The following OSBP2 variants were observed in gnomAD, a reference collection of about 807,000 sequenced individuals.
OSBP2 encodes oxysterol-binding protein 2.
Under a neutral mutation model 96.0 loss-of-function variants are expected in OSBP2, and 66 were observed. That is an observed-to-expected ratio of 0.69 (90% CI 0.56 to 0.84). OSBP2 has a LOEUF of 0.84. Ranked by LOEUF, OSBP2 falls within the 40% of genes least tolerant of loss-of-function variation. The pLI is 0.00. For missense variants in OSBP2, 1,038 were observed against 1,222.7 expected, an observed-to-expected ratio of 0.85 and a Z score of 2.25; for synonymous variants, 525 against 520.9, an observed-to-expected ratio of 1.01 and a Z score of -0.11.
chr22:30,870,540 TCATCGCCAAGCACGGCGCTGCACTC>T lies in OSBP2; in HGVS notation c.968_992del (p.Ile323SerfsTer4). The T allele has an allele frequency of 6.2e-7, 1 of 1,613,988 alleles. No homozygotes were observed. Among genetic ancestry groups the T allele is most frequent in the Non-Finnish European group, 8.5e-7 (1 of 1,179,984 alleles). On this transcript the variant is annotated frameshift_variant, in exon 3 of 14. Coordinates refer to ENST00000332585, the MANE Select transcript of OSBP2 (RefSeq NM_030758.4). LOFTEE classifies it high-confidence loss of function. The surrounding 1 kb of genome is among the most constrained non-coding windows in gnomAD (Gnocchi z 4.1). The stretch of plus-strand genomic sequence containing the variant: ...GATGACCTCAGCACGTGCAATGACC[TCATCGCCAAGCACGGCGCTGCACTC>T]CAGCGCTCCCTGACAGAGCTGGACG...
At chr22:30,796,531 G>T (rs755896328) in intron 2 of OSBP2, among the ~76,000 whole-genome samples, 1 of 151,604 alleles carries the variant, frequency 6.6e-6, no homozygotes, top group Non-Finnish European at 1.5e-5. Context: ...TTTGAAACAG[G>T]TTCTTACTCT....
At chr22:30,741,905 T>A (rs2089942869) in intron 2 of OSBP2, among the ~76,000 whole-genome samples, 1 of 151,150 alleles carries the variant, frequency 6.6e-6, no homozygotes, top group East Asian at 2.0e-4. Flanking sequence ...CTGCAACCTC[T>A]GCCTTCCGTG....
intron 1 of OSBP2, among the ~76,000 whole-genome samples, chr22:30,733,193 G>A (rs945557895): frequency 2.6e-5 from 4 of 152,190 alleles, no homozygotes; most frequent in East Asian, 1.9e-4. Context: ...GGTAGATCGG[G>A]CACTCAGTGG....
chr22:30,823,570 G>A (rs957780696), intron 2 of OSBP2, among the ~76,000 whole-genome samples: 8 of 152,174 alleles, frequency 5.3e-5, no homozygotes, highest in Admixed American at 5.2e-4. Flanking sequence ...AATTAACTTT[G>A]CCTGCTTACT....
Position 30,893,233 on chromosome 22 carries a change from A to T in OSBP2, c.1981A>T (p.Met661Leu), listed in dbSNP as rs371407014. 6 of 1,614,060 alleles carry T rather than the reference A, an allele frequency of 3.7e-6. No individual in the cohort carries two copies. In the African/African-American group the frequency reaches 8.0e-5, roughly 22 times the overall value. ...SKFRGKYISIMPLGAIHLEFQ... is the reference protein window; with the variant it reads ...SKFRGKYISILPLGAIHLEFQ... ...GTTCCGGGGAAAATACATCTCCATC[A>T]TGCCGCTAGGTGAGCTGGGGCCCGG... Residue 661 changes from methionine to leucine, a missense_variant, in exon 9 of 14, where the codon ATG becomes TTG. Coordinates refer to ENST00000332585, the MANE Select transcript of OSBP2 (RefSeq NM_030758.4).
At chr22:30,816,773 G>A (rs1219797390) in intron 2 of OSBP2, among the ~76,000 whole-genome samples, 1 of 152,068 alleles carries the variant, frequency 6.6e-6, no homozygotes, top group Non-Finnish European at 1.5e-5. Context: ...GTCTTACTCT[G>A]TTGCCCTGGC....
At chr22:30,858,127 T>TG (rs1555921636) in intron 2 of OSBP2, among the ~76,000 whole-genome samples, 50 of 131,834 alleles carry the variant, frequency 3.8e-4, no homozygotes, top group Middle Eastern at 8.1e-3. Context: ...TTTGTTTTTT[T>TG]TTTGTTTGTT....
At chr22:30,815,197 G>A (rs918227700) in intron 2 of OSBP2, among the ~76,000 whole-genome samples, 2 of 152,178 alleles carry the variant, frequency 1.3e-5, no homozygotes, top group East Asian at 1.9e-4. Flanking sequence ...GTGGGAGGAC[G>A]GCTTGAGCCC....
chr22:30,807,320 C>T (rs373405213), intron 2 of OSBP2, among the ~76,000 whole-genome samples: 2 of 152,198 alleles, frequency 1.3e-5, no homozygotes, highest in Admixed American at 6.5e-5. Flanking sequence ...CTGTCGCTTC[C>T]CTCAAGCCGT....
At chr22:30,708,548 G>T (rs1000312598) in intron 1 of OSBP2, among the ~76,000 whole-genome samples, 3 of 123,212 alleles carry the variant, frequency 2.4e-5, no homozygotes, top group African/African-American at 3.2e-5. Context: ...GAGTGCAATG[G>T]CATGATCTTG....
intron 1 of OSBP2, among the ~76,000 whole-genome samples, chr22:30,730,812 T>TA (rs1569100832): frequency 0.039 from 1,908 of 48,366 alleles, 158 homozygotes; most frequent in Admixed American, 0.07. Flanking sequence ...ATATATAATT[T>TA]TTTTTTTTTT....
intron 2 of OSBP2, among the ~76,000 whole-genome samples, chr22:30,858,234 C>G (rs2039124105): frequency 6.6e-6 from 1 of 150,556 alleles, no homozygotes; most frequent in South Asian, 2.1e-4. Flanking sequence ...GCAAGCTCCG[C>G]TTCCCGGGTT....
chr22:30,882,576 G>C (rs997054936), intron 3 of OSBP2, among the ~76,000 whole-genome samples: 3 of 151,878 alleles, frequency 2.0e-5, no homozygotes, highest in Non-Finnish European at 4.4e-5. Flanking sequence ...CAGTGGGCCC[G>C]CGGTGTGAGG....
intron 2 of OSBP2, among the ~76,000 whole-genome samples, chr22:30,770,097 ATT>A (rs136328): frequency 0.27 from 32,257 of 117,856 alleles, 3,538 homozygotes; most frequent in East Asian, 0.3. Flanking sequence ...TTCCCCCATG[ATT>A]TTTTTTTTTT....
chr22:30,891,718 G>A (rs2039952470), intron 8 of OSBP2, among the ~76,000 whole-genome samples: 1 of 152,064 alleles, frequency 6.6e-6, no homozygotes, highest in African/African-American at 2.4e-5. Context: ...CCGACGCTTT[G>A]GATACGGGGG....
At chr22:30,729,227 C>T (rs5753294) in intron 1 of OSBP2, among the ~76,000 whole-genome samples, 19,842 of 152,198 alleles carry the variant, frequency 0.13, 1,999 homozygotes, top group East Asian at 0.38. Flanking sequence ...AGGAATCCTA[C>T]TTTTGGACAT....
At chr22:30,867,660 T>G (rs952842188) in intron 2 of OSBP2, among the ~76,000 whole-genome samples, 6 of 152,224 alleles carry the variant, frequency 3.9e-5, no homozygotes, top group African/African-American at 1.4e-4. Flanking sequence ...AACAAGCATG[T>G]CCCTGTGTCC....
chr22:30,701,975 G>A (rs1173376107), intron 1 of OSBP2, among the ~76,000 whole-genome samples: 1 of 152,118 alleles, frequency 6.6e-6, no homozygotes, highest in Admixed American at 6.6e-5. Flanking sequence ...GGAGCACAGT[G>A]CACACCAACA....
At chr22:30,728,043 G>A (rs528107998) in intron 1 of OSBP2, among the ~76,000 whole-genome samples, 7 of 151,210 alleles carry the variant, frequency 4.6e-5, no homozygotes, top group Admixed American at 2.0e-4. Flanking sequence ...AGGTGAGGTT[G>A]CCATGAGCCG....
Sources: gnomAD v4.1 joint callset for allele counts (sites outside exome capture counted in the v4.1 genomes callset) on GRCh38, gnomAD v4.1.1 for gene constraint, Gnocchi (gnomAD v3.1) non-coding constraint, MANE v1.5 for transcripts, NCBI Gene and HGNC (gene_info 2026-07-23, HGNC 2026-07-21) for gene names.